Variants in PREX2 observed in about 807,000 individuals in gnomAD.
PREX2 encodes the protein phosphatidylinositol-3,4,5-trisphosphate dependent Rac exchange factor 2.
A neutral mutation model predicts 203.2 loss-of-function variants in PREX2; 107 were observed. That is an observed-to-expected ratio of 0.53 (90% confidence interval 0.45 to 0.62). The LOEUF (loss-of-function observed/expected upper bound fraction) is 0.62. Ranked by LOEUF, PREX2 falls within the 20% of genes least tolerant of loss-of-function variation. The pLI is 0.00. For missense variants in PREX2, 1,777 were observed against 1,955.9 expected (o/e 0.91, Z 1.72); for synonymous variants, 672 against 663.6 (o/e 1.01, Z -0.19).
intron 18 of PREX2, among the ~76,000 whole-genome samples, chr8:68,085,876 A>G (rs1585773437): frequency 6.6e-6 from 1 of 152,202 alleles, no homozygotes; most frequent in Non-Finnish European, 1.5e-5. Flanking sequence ...GAATTACTCA[A>G]AATCCAAAAG....
chr8:67,998,171 T>C (rs138838054), intron 1 of PREX2, among the ~76,000 whole-genome samples: 1 of 152,328 alleles, frequency 6.6e-6, no homozygotes, highest in African/African-American at 2.4e-5. Flanking sequence ...AGGAGTTTTC[T>C]TAGTGCCTTA....
intron 37 of PREX2, among the ~76,000 whole-genome samples, chr8:68,194,483 A>T (rs1321744309): frequency 6.6e-6 from 1 of 152,016 alleles, no homozygotes; most frequent in Non-Finnish European, 1.5e-5. Flanking sequence ...ATTTCATAAG[A>T]TACTGGTATA....
At chr8:68,205,900 A>G (rs962231453) in intron 37 of PREX2, among the ~76,000 whole-genome samples, 24 of 152,132 alleles carry the variant, frequency 1.6e-4, no homozygotes, top group Non-Finnish European at 2.8e-4. Flanking sequence ...CATGCTTCAA[A>G]CCTAGTTTCT....
chr8:68,222,524 A>G (rs567719923), intron 38 of PREX2, among the ~76,000 whole-genome samples: 1 of 152,218 alleles, frequency 6.6e-6, no homozygotes, highest in African/African-American at 2.4e-5. Context: ...TATATACTTG[A>G]ATAAATAAAT....
chr8:68,133,496 A>G (rs1429614382), intron 31 of PREX2, among the ~76,000 whole-genome samples: 1 of 152,250 alleles, frequency 6.6e-6, no homozygotes, highest in Non-Finnish European at 1.5e-5. Context: ...ACATACTTAT[A>G]GCTCATGAAA....
intron 1 of PREX2, 108 bp downstream of exon 1, chr8:67,952,643 G>C (rs943432410): frequency 1.4e-6 from 2 of 1,458,544 alleles, no homozygotes; most frequent in Admixed American, 2.0e-5. Context: ...GACCCGGGAC[G>C]GGTCGGGGCA....
At chr8:68,095,742 T>G (rs1032756947) in intron 21 of PREX2, among the ~76,000 whole-genome samples, 8 of 151,832 alleles carry the variant, frequency 5.3e-5, no homozygotes, top group Non-Finnish European at 1.2e-4. Context: ...GCTGAAGTGA[T>G]CCGCCGTCAG....
chr8:68,156,530 A>AC (rs1811546856), intron 34 of PREX2, among the ~76,000 whole-genome samples: 1 of 152,228 alleles, frequency 6.6e-6, no homozygotes, highest in African/African-American at 2.4e-5. Context: ...TTTTCTCTCT[A>AC]CCTTTCATAG....
chr8:68,126,850 T>C (rs1051041324), intron 30 of PREX2, among the ~76,000 whole-genome samples: 2 of 151,890 alleles, frequency 1.3e-5, no homozygotes, highest in African/African-American at 2.4e-5. Context: ...AGTATATATA[T>C]ACACACACGT....
chr8:68,156,774 G>A (rs550601892), intron 34 of PREX2, among the ~76,000 whole-genome samples: 1 of 152,152 alleles, frequency 6.6e-6, no homozygotes, highest in Non-Finnish European at 1.5e-5. Context: ...ATAAAAAAAA[G>A]GGTAAGATTT....
chr8:68,137,293 G>T (rs1563561587), intron 32 of PREX2, among the ~76,000 whole-genome samples: 1 of 149,108 alleles, frequency 6.7e-6, no homozygotes, highest in East Asian at 2.0e-4. Flanking sequence ...TAAGAGATGG[G>T]GTCTTGCTCT....
intron 11 of PREX2, 147 bp downstream of exon 11, chr8:68,060,926 C>T (rs1808831623): frequency 3.4e-6 from 2 of 591,654 alleles, no homozygotes; most frequent in East Asian, 3.0e-5. Context: ...AAGTGTAGAA[C>T]AGTGTCTCAG....
At chr8:68,095,538 T>C (rs1429047557) in intron 21 of PREX2, among the ~76,000 whole-genome samples, 4 of 99,938 alleles carry the variant, frequency 4.0e-5, no homozygotes, top group Admixed American at 1.0e-4. Flanking sequence ...CATACATATA[T>C]GTGTGTGTGT....
intron 1 of PREX2, among the ~76,000 whole-genome samples, chr8:67,985,036 A>G (rs1453778968): frequency 6.6e-6 from 1 of 151,494 alleles, no homozygotes. Flanking sequence ...TGTAGCGACT[A>G]CGTTGTTCCA....
chr8:68,218,322 T>A (rs1404863054), intron 38 of PREX2, among the ~76,000 whole-genome samples: 3 of 152,210 alleles, frequency 2.0e-5, no homozygotes, highest in Non-Finnish European at 4.4e-5. Context: ...CCCAATAGTA[T>A]TCTAAGTGTG....
intron 35 of PREX2, among the ~76,000 whole-genome samples, chr8:68,176,113 C>A (rs927975926): frequency 5.9e-5 from 9 of 152,122 alleles, no homozygotes; most frequent in African/African-American, 2.2e-4. Flanking sequence ...CTGGGATGTG[C>A]TTCAGTTTCT....
chr8:68,200,502 AT>A (rs1812479984), intron 37 of PREX2, among the ~76,000 whole-genome samples: 1 of 152,118 alleles, frequency 6.6e-6, no homozygotes, highest in Admixed American at 6.5e-5. Context: ...GAAATCAAAT[AT>A]TGTAAATATG....
intron 13 of PREX2, 37 bp from the exon 14 acceptor site, chr8:68,072,458 G>T (rs1219639387): frequency 3.3e-6 from 4 of 1,227,582 alleles, no homozygotes; most frequent in Non-Finnish European, 4.7e-6. Context: ...CTTAATTTTT[G>T]TTTTTTGTTT....
chr8:68,099,223 A>G (rs1257900243), intron 22 of PREX2, among the ~76,000 whole-genome samples: 32 of 152,048 alleles, frequency 2.1e-4, no homozygotes, highest in Admixed American at 2.1e-3. Context: ...TGTCAAATAT[A>G]TTCTTTTTGC....
Sources: gnomAD v4.1 joint callset for allele counts (sites outside exome capture counted in the v4.1 genomes callset) on GRCh38, gnomAD v4.1.1 for gene constraint, MANE v1.5 for transcripts, NCBI Gene and HGNC (gene_info 2026-07-23, HGNC 2026-07-21) for gene names.